SORCS1: variants seen among roughly 807,000 people sequenced by gnomAD.
SORCS1 encodes VPS10 domain-containing receptor SorCS1.
Under a neutral mutation model 146.1 loss-of-function variants are expected in SORCS1, and 60 were observed. That is an observed-to-expected ratio of 0.41 (90% CI 0.33 to 0.51). SORCS1 has a LOEUF of 0.51. SORCS1 is among the 20% of genes least tolerant of loss of function. The probability of loss-of-function intolerance (pLI) is 0.21; values close to 1 mark genes in which losing one functional copy is unlikely to be tolerated. For missense variants in SORCS1, 1,352 were observed against 1,487.6 expected (o/e 0.91, Z 1.50); for synonymous variants, 637 against 584.0 (o/e 1.09, Z -1.31).
chr10:106,613,184 A>T (rs1264063003), intron 21 of SORCS1, among the ~76,000 whole-genome samples: 2 of 151,892 alleles, frequency 1.3e-5, no homozygotes, highest in African/African-American at 4.8e-5. Flanking sequence ...TTATTCAGGG[A>T]TTTTCTTCAT....
intron 3 of SORCS1, among the ~76,000 whole-genome samples, chr10:106,789,465 T>G (rs533201796): frequency 8.5e-4 from 129 of 152,336 alleles, no homozygotes; most frequent in African/African-American, 2.8e-3. Flanking sequence ...CCAGATACCC[T>G]AAATCATCTC....
intron 6 of SORCS1, among the ~76,000 whole-genome samples, chr10:106,716,820 G>GT (rs1191750372): frequency 6.6e-6 from 1 of 152,068 alleles, no homozygotes; most frequent in African/African-American, 2.4e-5. Context: ...TGGATCACAT[G>GT]TTTTTTTCTC....
chr10:106,633,048 A>G (rs1848528225), intron 18 of SORCS1, among the ~76,000 whole-genome samples: 2 of 151,784 alleles, frequency 1.3e-5, no homozygotes, highest in Admixed American at 6.6e-5. Flanking sequence ...AGAGAACAAG[A>G]ACATGTTACC....
intron 2 of SORCS1, among the ~76,000 whole-genome samples, chr10:106,900,333 C>T (rs1203395108): frequency 6.6e-6 from 1 of 152,038 alleles, no homozygotes; most frequent in Non-Finnish European, 1.5e-5. Context: ...AAATCAAAAG[C>T]TATATTGCTT....
At chr10:106,706,670 C>T (rs1380011993) in intron 7 of SORCS1, 36 bp from the exon 8 acceptor site, 2 of 1,599,128 alleles carry the variant, frequency 1.3e-6, no homozygotes, top group Admixed American at 3.3e-5. Flanking sequence ...GAAGCTCGAG[C>T]TACTGTAACA....
At chr10:106,665,776 G>A (rs913164029) in intron 17 of SORCS1, among the ~76,000 whole-genome samples, 3 of 151,946 alleles carry the variant, frequency 2.0e-5, no homozygotes, top group African/African-American at 2.4e-5. Context: ...CTTAATATGC[G>A]AACTTGACTG....
chr10:106,866,121 T>C (rs796363797), intron 2 of SORCS1, among the ~76,000 whole-genome samples: 2 of 151,598 alleles, frequency 1.3e-5, no homozygotes, highest in South Asian at 2.1e-4. Context: ...ATTGAGCCAA[T>C]AGCAGCTCTG....
chr10:107,049,350 C>T (rs970427174), intron 1 of SORCS1, among the ~76,000 whole-genome samples: 9 of 150,908 alleles, frequency 6.0e-5, no homozygotes, highest in African/African-American at 2.2e-4. Context: ...AGCACACCAG[C>T]ATGGCACATG....
At chr10:106,636,119 G>C (rs192400231) in intron 18 of SORCS1, among the ~76,000 whole-genome samples, 126 of 152,254 alleles carry the variant, frequency 8.3e-4, no homozygotes, top group Non-Finnish European at 1.1e-3. Flanking sequence ...ATCTAGTTGG[G>C]TGCAGTGGCT....
At chr10:106,951,515 A>G (rs1256697385) in intron 2 of SORCS1, among the ~76,000 whole-genome samples, 304 of 148,614 alleles carry the variant, frequency 2.0e-3, no homozygotes, top group Non-Finnish European at 2.9e-3. Flanking sequence ...CCGTCTCTGA[A>G]AAAAAAAAAA....
chr10:107,060,229 T>C lies in SORCS1; in HGVS notation c.559-103649A>G, dbSNP rs990363998. ...TGACAATGAGGATCTGAAGTTTACA[T>C]GCTGTCTTCAGAATGTTTTATCCAT... On this transcript the variant is annotated intron_variant, in intron 1 of 25. Transcript: ENST00000263054. This position sits in a 1 kb window ranked among gnomAD's most constrained non-coding sequence, Gnocchi z 4.1. Among the ~76,000 whole-genome samples, 5 of 152,206 alleles carry C rather than the reference T, an allele frequency of 3.3e-5. No individual in the cohort carries two copies. The highest frequency in any genetic ancestry group is 1.2e-4 in the African/African-American group (5 of 41,458).
intron 4 of SORCS1, among the ~76,000 whole-genome samples, chr10:106,769,120 C>T (rs1386221725): frequency 6.6e-6 from 1 of 152,160 alleles, no homozygotes; most frequent in Non-Finnish European, 1.5e-5. Flanking sequence ...GTCAATATTT[C>T]CCAGGGAATG....
At chr10:106,661,619 T>C (rs1036787725) in intron 17 of SORCS1, among the ~76,000 whole-genome samples, 67 of 152,362 alleles carry the variant, frequency 4.4e-4, no homozygotes, top group African/African-American at 1.5e-3. Flanking sequence ...CTAGGCATTG[T>C]GCTACATGCT....
chr10:106,841,046 G>C (rs1001897913), intron 2 of SORCS1, among the ~76,000 whole-genome samples: 4 of 151,266 alleles, frequency 2.6e-5, no homozygotes. Context: ...AATAGAGACG[G>C]GGTTTCACCA....
intron 1 of SORCS1, among the ~76,000 whole-genome samples, chr10:107,118,159 T>C (rs1966157819): frequency 6.6e-6 from 1 of 151,726 alleles, no homozygotes; most frequent in South Asian, 2.1e-4. Flanking sequence ...AATGTCCTTA[T>C]GAAAGAGACT....
At chr10:107,037,477 C>T (rs537413152) in intron 1 of SORCS1, among the ~76,000 whole-genome samples, 2 of 152,308 alleles carry the variant, frequency 1.3e-5, no homozygotes, top group East Asian at 1.9e-4. Flanking sequence ...GTTTGCATTT[C>T]TATCTGGCTC....
intron 2 of SORCS1, among the ~76,000 whole-genome samples, chr10:106,928,797 A>C (rs186993164): frequency 2.0e-5 from 3 of 152,280 alleles, no homozygotes; most frequent in African/African-American, 7.2e-5. Flanking sequence ...TCAAAAGGGG[A>C]AAAGGAATTA....
chr10:107,023,840 G>A (rs1156500279), intron 1 of SORCS1, among the ~76,000 whole-genome samples: 2 of 152,046 alleles, frequency 1.3e-5, no homozygotes. Context: ...CCACATCAAT[G>A]TCACCTGGAA....
chr10:106,821,778 C>G (rs1362532942), intron 3 of SORCS1, among the ~76,000 whole-genome samples: 1 of 151,856 alleles, frequency 6.6e-6, no homozygotes, highest in South Asian at 2.1e-4. Flanking sequence ...AAAAATTAGC[C>G]AGGCGTGTTG....
Sources: gnomAD v4.1 joint callset for allele counts (sites outside exome capture counted in the v4.1 genomes callset) on GRCh38, gnomAD v4.1.1 for gene constraint, Gnocchi (gnomAD v3.1) non-coding constraint, MANE v1.5 for transcripts, NCBI Gene and HGNC (gene_info 2026-07-23, HGNC 2026-07-21) for gene names.